PCED1B: variants seen among roughly 807,000 people sequenced by gnomAD.
The protein encoded by PCED1B is PC-esterase domain containing 1B, also known as PC-esterase domain-containing protein 1B.
For missense variants in PCED1B, 573 were observed against 573.9 expected, an observed-to-expected ratio of 1.00 and a Z score of 0.02; for synonymous variants, 251 against 246.1, an observed-to-expected ratio of 1.02 and a Z score of -0.19.
chr12:47,151,771 T>A (rs11183761), intron 2 of PCED1B, among the ~76,000 whole-genome samples: 33,362 of 152,080 alleles, frequency 0.22, 4,688 homozygotes, highest in Non-Finnish European at 0.31. Context: ...CTACTTAGTC[T>A]TTTATTCTAT....
At chr12:47,229,238 C>A (rs1396620821) in intron 3 of PCED1B, among the ~76,000 whole-genome samples, 2 of 151,870 alleles carry the variant, frequency 1.3e-5, no homozygotes, top group East Asian at 1.9e-4. Context: ...CATGGTGAAA[C>A]CCCATCTCTA....
At chr12:47,195,095 C>T (rs575969114) in intron 2 of PCED1B, among the ~76,000 whole-genome samples, 12 of 152,122 alleles carry the variant, frequency 7.9e-5, no homozygotes, top group South Asian at 6.2e-4. Context: ...ATTTGGGAGG[C>T]GGAGGCGGGT....
intron 1 of PCED1B, among the ~76,000 whole-genome samples, chr12:47,088,543 G>A (rs759118217): frequency 2.0e-5 from 3 of 152,116 alleles, no homozygotes; most frequent in Non-Finnish European, 4.4e-5. Context: ...AAACACACTG[G>A]AGAGTACCCA....
chr12:47,119,215 C>T (rs544114102), intron 2 of PCED1B, among the ~76,000 whole-genome samples: 92 of 152,188 alleles, frequency 6.0e-4, no homozygotes, highest in African/African-American at 1.7e-3. Context: ...AATATATTTA[C>T]CTCACACCAA....
rs57549946 is a variant in PCED1B at position 47,136,085 on chromosome 12, C to CTTTTTTTT, written c.-526+31898_-526+31905dup. The CTTTTTTTT allele has an allele frequency of 9.9e-5, 13 of 131,488 alleles. 1 individual carries two copies. Among genetic ancestry groups the CTTTTTTTT allele is most frequent in the African/African-American group, 2.0e-4 (7 of 34,552 alleles). The allele number at this position is 131,488 out of a possible 1,614,324, so 8.1% of individuals were successfully genotyped here. ...CCAGTACTCACCATTCAATTTCTTT[C>CTTTTTTTT]TTTTTTTTTTTTTTTGGCCAATTTG... On this transcript the variant is annotated intron_variant, in intron 2 of 3. Transcript: ENST00000546455.
intron 2 of PCED1B, among the ~76,000 whole-genome samples, chr12:47,149,061 C>T (rs10160997): frequency 6.6e-6 from 1 of 152,118 alleles, no homozygotes; most frequent in African/African-American, 2.4e-5. Context: ...GTGGAGGATA[C>T]CATTAGCCTA....
intron 2 of PCED1B, among the ~76,000 whole-genome samples, chr12:47,114,596 C>T (rs1317542940): frequency 2.6e-5 from 4 of 152,178 alleles, no homozygotes; most frequent in Admixed American, 1.3e-4. Flanking sequence ...TTAGAGGAGG[C>T]TGCCTCCCCA....
intron 2 of PCED1B, among the ~76,000 whole-genome samples, chr12:47,151,141 A>C (rs1470631159): frequency 6.6e-6 from 1 of 151,248 alleles, no homozygotes; most frequent in Non-Finnish European, 1.5e-5. Flanking sequence ...ATATATACAC[A>C]CACACACACA....
intron 2 of PCED1B, among the ~76,000 whole-genome samples, chr12:47,139,990 T>C (rs1304814677): frequency 6.6e-6 from 1 of 152,122 alleles, no homozygotes; most frequent in Admixed American, 6.6e-5. Flanking sequence ...TTGAAGTTAC[T>C]ACTCATGTTA....
intron 2 of PCED1B, among the ~76,000 whole-genome samples, chr12:47,104,976 G>A (rs1592145086): frequency 1.3e-5 from 2 of 152,306 alleles, no homozygotes; most frequent in Admixed American, 1.3e-4. Flanking sequence ...TCTGACTTCT[G>A]TCTCATCTGA....
At position 47,199,063 on chromosome 12, in the gene PCED1B, A is replaced by G. The variant is rs529934167; in HGVS notation, c.-525-17159A>G. On this transcript the variant is annotated intron_variant, in intron 2 of 3. Coordinates refer to ENST00000546455, the MANE Select transcript of PCED1B (RefSeq NM_138371.3). Reference sequence around the variant, plus strand: ...TGGAACTATTATAGTAAGTAATTATAGCAAGGTCACATAACACAAAGTTAG... The same window carrying G: ...TGGAACTATTATAGTAAGTAATTATGGCAAGGTCACATAACACAAAGTTAG... Among the ~76,000 whole-genome samples the G allele has an allele frequency of 3.9e-5, 6 of 152,334 alleles. No homozygotes were observed. The South Asian group carries it at 1.2e-3, about 32-fold the overall frequency.
chr12:47,133,802 C>T (rs1424447351), intron 2 of PCED1B, among the ~76,000 whole-genome samples: 1 of 152,114 alleles, frequency 6.6e-6, no homozygotes, highest in East Asian at 1.9e-4. Context: ...TATTGAAATC[C>T]TAACCCCTGA....
At position 47,235,198 on chromosome 12, in the gene PCED1B, C is replaced by A; in HGVS notation, c.135C>A (p.Pro45=). The A allele has an allele frequency of 6.2e-7, 1 of 1,602,318 alleles. No homozygotes were observed. The highest frequency in any genetic ancestry group is 8.5e-7 in the Non-Finnish European group (1 of 1,173,804). The part of the protein sequence containing the change: ...LLLQKDRLLT[P]GQLRARGELN... ...TGCAGAAGGACCGCCTGCTCACTCC[C>A]GGGCAGCTTAGAGCAAGGGGGGAGC... is the stretch of plus-strand genomic sequence containing the variant. Residue 45 remains proline (P), a synonymous_variant, in exon 4 of 4, where the codon CCC becomes CCA. Transcript: ENST00000546455.
intron 3 of PCED1B, among the ~76,000 whole-genome samples, chr12:47,223,134 CCAA>C (rs1245791377): frequency 6.6e-6 from 1 of 151,892 alleles, no homozygotes; most frequent in Non-Finnish European, 1.5e-5. Flanking sequence ...GAGAGAAAGA[CCAA>C]CATTTGGGGA....
chr12:47,085,172 C>T (rs371013824), intron 1 of PCED1B, among the ~76,000 whole-genome samples: 1 of 152,202 alleles, frequency 6.6e-6, no homozygotes. Context: ...CCCATTTAAC[C>T]TCTCCAGGAA....
rs373250618 is a variant in PCED1B at position 47,169,814 on chromosome 12, C to T, written c.-525-46408C>T. Among the ~76,000 whole-genome samples the T allele has an allele frequency of 6.2e-4, 92 of 149,426 alleles. 2 individuals are homozygous for T. Among genetic ancestry groups the T allele is most frequent in the African/African-American group, 2.1e-3 (87 of 40,498 alleles). On this transcript the variant is annotated intron_variant, in intron 2 of 3. Coordinates refer to ENST00000546455, the MANE Select transcript of PCED1B (RefSeq NM_138371.3). ...AGGCTGCAGTGAACTATTATCATGC[C>T]GCTGTATTTCAGCTTGGGCAACAAA... is the stretch of plus-strand genomic sequence containing the variant.
At chr12:47,146,597 C>T (rs947505073) in intron 2 of PCED1B, among the ~76,000 whole-genome samples, 6 of 152,116 alleles carry the variant, frequency 3.9e-5, no homozygotes, top group East Asian at 1.9e-4. Flanking sequence ...GACCCTATAC[C>T]GGCAAAAAGA....
At chr12:47,148,865 G>A (rs1207533844) in intron 2 of PCED1B, among the ~76,000 whole-genome samples, 4 of 152,206 alleles carry the variant, frequency 2.6e-5, no homozygotes, top group Non-Finnish European at 5.9e-5. Flanking sequence ...GATCACAGCT[G>A]TTTTCAACAT....
At chr12:47,127,172 A>C (rs1414327020) in intron 2 of PCED1B, among the ~76,000 whole-genome samples, 1 of 152,148 alleles carries the variant, frequency 6.6e-6, no homozygotes, top group African/African-American at 2.4e-5. Context: ...GAACTGCATC[A>C]GCTGCATCCC....
Sources: gnomAD v4.1 joint callset for allele counts (sites outside exome capture counted in the v4.1 genomes callset) on GRCh38, gnomAD v4.1.1 for gene constraint, MANE v1.5 for transcripts, NCBI Gene and HGNC (gene_info 2026-07-23, HGNC 2026-07-21) for gene names.